The following UXS1 variants were observed in gnomAD, a reference collection of about 807,000 sequenced individuals.
The protein encoded by UXS1 is UDP-glucuronate decarboxylase 1, also known as UDP-glucuronic acid decarboxylase 1.
In UXS1, 33 loss-of-function variants were observed where a neutral mutation model predicts 62.6. The observed-to-expected ratio is 0.53, with a 90% CI of 0.40 to 0.70. UXS1 has a LOEUF of 0.70. UXS1 is among the 30% of genes least tolerant of loss of function. The probability of loss-of-function intolerance (pLI) is 0.00; values close to 1 mark genes in which losing one functional copy is unlikely to be tolerated. For synonymous variants in UXS1, 213 were observed against 206.8 expected (o/e 1.03, Z -0.26); for missense variants, 434 against 556.3 (o/e 0.78, Z 2.21).
intron 1 of UXS1, chr2:106,183,721 C>T (rs534546361): frequency 1.3e-5 from 2 of 152,172 alleles, no homozygotes; most frequent in Admixed American, 6.5e-5. Flanking sequence ...TGAAGCTCAT[C>T]AAGTGAAGTT....
At chr2:106,161,188 C>CT (rs567647242) in intron 4 of UXS1, among the ~76,000 whole-genome samples, 2,292 of 144,322 alleles carry the variant, frequency 0.016, 22 homozygotes, top group Admixed American at 0.028. Context: ...AGCACAAGGC[C>CT]TTTTTTTTTT....
chr2:106,138,668 T>C, intron 6 of UXS1: 2 of 985,488 alleles, frequency 2.0e-6, no homozygotes, highest in Non-Finnish European at 2.4e-6. Flanking sequence ...CAGTGTTTCT[T>C]CCTCACTGGA....
chr2:106,164,784 C>A lies in UXS1; in HGVS notation c.138G>T (p.Arg46Ser). 6.3e-7 allele frequency: 1 copy of A among 1,590,376 alleles called. No homozygotes were observed. Among genetic ancestry groups the A allele is most frequent in the Non-Finnish European group, 8.6e-7 (1 of 1,168,042 alleles). ...TTAGTTCACCATTTTCCTGGATAGA[C>A]CTGTTGAGTAGAAAGCTATAAAACT... ...NFVNMSFLLN[R>S]SIQENGELKI... Residue 46 changes from arginine (R) to serine (S), a missense_variant, in exon 3 of 15, where the codon AGG becomes AGT. Arg to Ser is a moderately radical substitution (Grantham distance 110, BLOSUM62 -1). Transcript: ENST00000283148.
intron 6 of UXS1, among the ~76,000 whole-genome samples, chr2:106,136,934 A>G (rs1258789055): frequency 1.4e-5 from 2 of 147,326 alleles, no homozygotes; most frequent in African/African-American, 2.5e-5. Flanking sequence ...AAAAAGAAAA[A>G]AAAAAAGAAT....
chr2:106,107,221 G>T (rs1317133709), intron 10 of UXS1, among the ~76,000 whole-genome samples: 1 of 152,170 alleles, frequency 6.6e-6, no homozygotes, highest in Admixed American at 6.5e-5. Context: ...ACCACACTCA[G>T]TCAGGGCCAC....
At chr2:106,192,118 C>T (rs6733987) in intron 1 of UXS1, among the ~76,000 whole-genome samples, 149,274 of 152,356 alleles carry the variant, frequency 0.98, 73,184 homozygotes, top group South Asian at 1. Flanking sequence ...TGAGAATCAA[C>T]GTGCTACACT....
chr2:106,182,476 C>T (rs1684307214), intron 1 of UXS1, among the ~76,000 whole-genome samples: 1 of 152,158 alleles, frequency 6.6e-6, no homozygotes, highest in African/African-American at 2.4e-5. Context: ...TCTCATTTCT[C>T]CTGTATTTTG....
At chr2:106,128,847 T>C (rs968624444) in intron 7 of UXS1, among the ~76,000 whole-genome samples, 4 of 152,220 alleles carry the variant, frequency 2.6e-5, no homozygotes, top group African/African-American at 9.6e-5. Context: ...CTCCACGCTT[T>C]GTTCAAATTA....
intron 1 of UXS1, among the ~76,000 whole-genome samples, chr2:106,186,295 C>G (rs1171973257): frequency 2.0e-5 from 3 of 152,162 alleles, no homozygotes; most frequent in Admixed American, 2.0e-4. Flanking sequence ...TGAACAGTGT[C>G]AAGTGGGACC....
chr2:106,181,281 C>A (rs1684227159), intron 1 of UXS1, among the ~76,000 whole-genome samples: 1 of 152,224 alleles, frequency 6.6e-6, no homozygotes, highest in South Asian at 2.1e-4. Flanking sequence ...GGGCGGGGCT[C>A]TGGAACCTCA....
chr2:106,191,799 T>C (rs1049682873), intron 1 of UXS1, among the ~76,000 whole-genome samples: 1 of 152,272 alleles, frequency 6.6e-6, no homozygotes, highest in Non-Finnish European at 1.5e-5. Flanking sequence ...AGCTCACTTT[T>C]GATTCCTCAA....
At chr2:106,173,540 T>G (rs1683694150) in intron 1 of UXS1, among the ~76,000 whole-genome samples, 1 of 151,890 alleles carries the variant, frequency 6.6e-6, no homozygotes, top group African/African-American at 2.4e-5. Context: ...GGCAACAAAG[T>G]GAGACTCTGT....
intron 10 of UXS1, among the ~76,000 whole-genome samples, chr2:106,110,958 G>A (rs1270185454): frequency 6.6e-6 from 1 of 152,350 alleles, no homozygotes; most frequent in Admixed American, 6.5e-5. Context: ...AGAAAAGCAA[G>A]ACGCTGCTGG....
intron 4 of UXS1, among the ~76,000 whole-genome samples, chr2:106,161,147 C>T (rs1228998394): frequency 5.9e-5 from 9 of 151,762 alleles, no homozygotes; most frequent in Non-Finnish European, 1.0e-4. Context: ...TGCTCCCAAG[C>T]ACCTGCTGGA....
chr2:106,115,824 G>A, intron 9 of UXS1, among the ~76,000 whole-genome samples: 1 of 152,190 alleles, frequency 6.6e-6, no homozygotes, highest in Middle Eastern at 3.2e-3. Context: ...TCCAAGGGAT[G>A]GTTCTCAACC....
chr2:106,187,665 T>G (rs1193435002), intron 1 of UXS1, among the ~76,000 whole-genome samples: 1 of 151,912 alleles, frequency 6.6e-6, no homozygotes, highest in Non-Finnish European at 1.5e-5. Context: ...AACTAAAATG[T>G]CACTACAACA....
intron 4 of UXS1, 83 bp from the exon 5 acceptor site, chr2:106,158,201 C>G (rs934785224): frequency 8.0e-7 from 1 of 1,249,118 alleles, no homozygotes; most frequent in African/African-American, 1.5e-5. Context: ...AAGCATGTGC[C>G]AGGTTTTGGG....
chr2:106,094,121 A>C lies in UXS1; in HGVS notation c.1183T>G (p.Tyr395Asp). 1.2e-6 allele frequency: 2 copies of C among 1,612,570 alleles called. No individual in the cohort carries two copies. The highest frequency in any genetic ancestry group is 1.7e-6 in the Non-Finnish European group (2 of 1,179,766). Reference protein sequence around the residue: ...LEEGLNKAIHYFRKELEYQAN... With the variant: ...LEEGLNKAIHDFRKELEYQAN... ...TGGTACTCGAGTTCTTTACGGAAGT[A>C]GTGAATTGCTTTGTTTAAACCTTCC... The change falls in exon 15 of 15, where the codon TAC (tyrosine) becomes GAC (aspartate). Residue 395 changes from tyrosine (Y) to aspartate (D), a missense_variant. Physicochemically the swap from Tyr to Asp is radical, Grantham distance 160. Transcript: ENST00000283148.
At chr2:106,143,141 T>C (rs1681255457) in intron 6 of UXS1, among the ~76,000 whole-genome samples, 1 of 149,584 alleles carries the variant, frequency 6.7e-6, no homozygotes, top group Non-Finnish European at 1.5e-5. Context: ...GAGAAGAGAG[T>C]AGTAATATTA....
Sources: gnomAD v4.1 joint callset for allele counts (sites outside exome capture counted in the v4.1 genomes callset) on GRCh38, gnomAD v4.1.1 for gene constraint, MANE v1.5 for transcripts, NCBI Gene and HGNC (gene_info 2026-07-23, HGNC 2026-07-21) for gene names.